The following TMEM116 variants were observed in gnomAD, a reference collection of about 807,000 sequenced individuals.
TMEM116 encodes the protein transmembrane protein 116.
A neutral mutation model predicts 44.3 loss-of-function variants in TMEM116; 38 were observed. That is an observed-to-expected ratio of 0.86 (90% CI 0.66 to 1.12). The LOEUF (loss-of-function observed/expected upper bound fraction) is 1.12. Among genes scored for constraint, TMEM116 ranks in the 50% most tolerant of loss-of-function variants. The probability of loss-of-function intolerance (pLI) is 0.00; values close to 1 mark genes in which losing one functional copy is unlikely to be tolerated. For synonymous variants in TMEM116, 132 were observed against 144.8 expected (o/e 0.91, Z 0.64); for missense variants, 354 against 401.7 (o/e 0.88, Z 1.01).
chr12:112,006,083 C>T (rs1490535071), intron 1 of TMEM116: 3 of 556,362 alleles, frequency 5.4e-6, no homozygotes, highest in Admixed American at 6.4e-5. Flanking sequence ...TGGCTCCACC[C>T]CTATCCCAGC....
In TMEM116 at chr12:111,931,707, A is replaced by T. The variant is rs141724043; in HGVS notation, c.928T>A (p.Cys310Ser). The change falls in exon 11 of 11, where the codon TGC becomes AGC. Residue 310 changes from cysteine (C) to serine (S), a missense_variant. Physicochemically the swap from Cys to Ser is moderately radical, Grantham distance 112. Coordinates refer to ENST00000552374, the MANE Select transcript of TMEM116 (RefSeq NM_001193531.2). ...RDADTQTPLL[C>S]SQKRFYSRGL... ...CTGCTATAGAATCTCTTCTGTGAGC[A>T]TAATAATGGTGTCTGGGTATCTGCA... is the stretch of plus-strand genomic sequence containing the variant. 10 of 1,613,852 alleles carry T rather than the reference A, an allele frequency of 6.2e-6. No homozygotes were observed. The African/African-American group carries it at 1.1e-4, about 17-fold the overall frequency.
chr12:112,005,860 G>C (rs1252868681), intron 1 of TMEM116: 1 of 911,950 alleles, frequency 1.1e-6, no homozygotes, highest in African/African-American at 1.8e-5. Context: ...AAAGTTAGTA[G>C]TATGAAAAGA....
intron 4 of TMEM116, among the ~76,000 whole-genome samples, chr12:111,970,969 G>A (rs978112268): frequency 2.0e-5 from 3 of 152,168 alleles, no homozygotes; most frequent in Non-Finnish European, 4.4e-5. Flanking sequence ...GAGGAATAAC[G>A]ATAAGAATAA....
At chr12:111,970,373 T>G (rs2075263971) in intron 4 of TMEM116, among the ~76,000 whole-genome samples, 1 of 151,638 alleles carries the variant, frequency 6.6e-6, no homozygotes, top group African/African-American at 2.4e-5. Flanking sequence ...ATTGGTGAAC[T>G]GTGAGAAATC....
At chr12:111,942,881 C>G (rs1016375363) in intron 5 of TMEM116, among the ~76,000 whole-genome samples, 4 of 151,778 alleles carry the variant, frequency 2.6e-5, no homozygotes, top group Non-Finnish European at 5.9e-5. Flanking sequence ...GTTTTTTCTT[C>G]AATTAACCTC....
intron 1 of TMEM116, among the ~76,000 whole-genome samples, chr12:112,007,245 C>T (rs1158579972): frequency 6.6e-6 from 1 of 152,090 alleles, no homozygotes; most frequent in Admixed American, 6.5e-5. Flanking sequence ...CAAAACCTTT[C>T]TCTACTAAAA....
Position 111,931,697 on chromosome 12 carries a change from T to C in TMEM116, c.938A>G (p.Lys313Arg). 3 of 1,613,458 alleles carry C rather than the reference T, an allele frequency of 1.9e-6. No individual in the cohort carries two copies. Among genetic ancestry groups the C allele is most frequent in the Non-Finnish European group, 2.5e-6 (3 of 1,179,448 alleles). ...DTQTPLLCSQ[K>R]RFYSRGLNSL... ...ATTTAAGCCCCTGCTATAGAATCTC[T>C]TCTGTGAGCATAATAATGGTGTCTG... Residue 313 changes from lysine to arginine, a missense_variant, in exon 11 of 11, where the codon AAG becomes AGG. Coordinates refer to ENST00000552374, the MANE Select transcript of TMEM116 (RefSeq NM_001193531.2).
chr12:111,959,609 G>A (rs983334767), intron 4 of TMEM116, among the ~76,000 whole-genome samples: 3 of 152,104 alleles, frequency 2.0e-5, no homozygotes, highest in South Asian at 4.1e-4. Context: ...CCCATCTCAC[G>A]TGCAGAGACA....
intron 4 of TMEM116, among the ~76,000 whole-genome samples, chr12:111,960,217 C>T (rs2074474469): frequency 6.6e-6 from 1 of 152,080 alleles, no homozygotes; most frequent in South Asian, 2.1e-4. Flanking sequence ...CGGCCGGGCA[C>T]AGTGGCTCAT....
chr12:111,931,847 G>A lies in TMEM116; in HGVS notation c.808-20C>T. On this transcript the variant is annotated intron_variant, in intron 10 of 10. Transcript: ENST00000552374. ...TAGAGCCTGGAGGAGATGAAGGGGT[G>A]ATGCAGCCCATGCTTCAGGTTTTCA... 6.8e-7 allele frequency: 1 copy of A among 1,474,568 alleles called. No homozygotes were observed. 91.3% of individuals were successfully genotyped at this position (1,474,568 alleles called of 1,614,324 possible).
chr12:111,958,277 T>TAAAAAAAAAAAAA (rs61637468), intron 4 of TMEM116, among the ~76,000 whole-genome samples: 4 of 27,520 alleles, frequency 1.5e-4, no homozygotes, highest in Admixed American at 2.8e-4. Flanking sequence ...CAATAAATAC[T>TAAAAAAAAAAAAA]AAAAAAAAAA....
chr12:111,943,913 A>C (rs1017959116), intron 4 of TMEM116, among the ~76,000 whole-genome samples: 4 of 152,096 alleles, frequency 2.6e-5, no homozygotes, highest in Non-Finnish European at 5.9e-5. Context: ...GTTCAAAAGA[A>C]CCACAGCATT....
chr12:111,939,380 G>A (rs968707304), intron 5 of TMEM116, among the ~76,000 whole-genome samples: 1 of 151,652 alleles, frequency 6.6e-6, no homozygotes, highest in Admixed American at 6.6e-5. Flanking sequence ...TTGAACCCGG[G>A]AGGTGGAGGT....
At chr12:111,959,921 C>G (rs1312090634) in intron 4 of TMEM116, among the ~76,000 whole-genome samples, 2 of 152,110 alleles carry the variant, frequency 1.3e-5, no homozygotes, top group Admixed American at 1.3e-4. Context: ...TTTAATACCC[C>G]ACTGTCGATA....
chr12:111,950,108 TC>T (rs1424497297), intron 4 of TMEM116, among the ~76,000 whole-genome samples: 1 of 150,914 alleles, frequency 6.6e-6, no homozygotes, highest in Non-Finnish European at 1.5e-5. Flanking sequence ...ACAGTGAGAC[TC>T]CCTCTCAAAA....
At chr12:111,948,754 G>A (rs923897961) in intron 4 of TMEM116, among the ~76,000 whole-genome samples, 1 of 151,912 alleles carries the variant, frequency 6.6e-6, no homozygotes, top group Non-Finnish European at 1.5e-5. Flanking sequence ...TGGCAGGGGG[G>A]CTTTGTAAAT....
At chr12:111,940,918 C>G (rs1029242105) in intron 5 of TMEM116, among the ~76,000 whole-genome samples, 1 of 152,094 alleles carries the variant, frequency 6.6e-6, no homozygotes, top group African/African-American at 2.4e-5. Context: ...ACTTGAAATG[C>G]TATCCCTGTA....
At chr12:111,983,488 G>A (rs1234151716) in intron 4 of TMEM116, among the ~76,000 whole-genome samples, 3 of 151,590 alleles carry the variant, frequency 2.0e-5, no homozygotes, top group South Asian at 2.1e-4. Flanking sequence ...CATGCACTAC[G>A]CGGGGGTCTG....
In TMEM116 at chr12:111,993,672, G is replaced by A. The variant is rs115888737; in HGVS notation, c.79-1783C>T. On this transcript the variant is annotated intron_variant, in intron 3 of 10. Coordinates refer to ENST00000552374, the MANE Select transcript of TMEM116 (RefSeq NM_001193531.2). Reference sequence around the variant, plus strand: ...GGATGAGACAGATAGCATATGCCATGATGAAGTTTGCCTGCTTTTAAGGTA... The same window carrying A: ...GGATGAGACAGATAGCATATGCCATAATGAAGTTTGCCTGCTTTTAAGGTA... 1,512 of 600,584 alleles carry A rather than the reference G, an allele frequency of 2.5e-3. 19 individuals are homozygous for A. The African/African-American group carries it at 0.026, about 10-fold the overall frequency. 37.2% of individuals were successfully genotyped at this position (600,584 alleles called of 1,614,324 possible).
Sources: allele counts gnomAD v4.1 joint callset (sites outside exome capture counted in the v4.1 genomes callset), GRCh38; gene constraint gnomAD v4.1.1; transcripts MANE v1.5; gene names NCBI Gene and HGNC (gene_info 2026-07-23, HGNC 2026-07-21).